The following PIWIL2 variants were observed in gnomAD, a reference collection of about 807,000 sequenced individuals.
PIWIL2 encodes piwi like RNA-mediated gene silencing 2.
A neutral mutation model predicts 116.5 loss-of-function variants in PIWIL2; 81 were observed. The ratio of observed to expected loss-of-function variants is 0.70; its 90% CI spans 0.58 to 0.84. The LOEUF (loss-of-function observed/expected upper bound fraction) is 0.84. Among genes scored for constraint, PIWIL2 ranks in the 40% least tolerant of loss-of-function variants. The pLI, the probability that PIWIL2 is intolerant of heterozygous loss-of-function variation, is 0.00. For missense variants in PIWIL2, 1,272 were observed against 1,212.3 expected, an observed-to-expected ratio of 1.05 and a Z score of -0.73; for synonymous variants, 489 against 429.5, an observed-to-expected ratio of 1.14 and a Z score of -1.71.
At chr8:22,334,059 C>T (rs562545827) in intron 20 of PIWIL2, among the ~76,000 whole-genome samples, 6 of 151,434 alleles carry the variant, frequency 4.0e-5, no homozygotes, top group South Asian at 2.1e-4. Context: ...CTGCAACCTC[C>T]GCCTTGTGGG....
intron 19 of PIWIL2, 35 bp from the exon 20 acceptor site, chr8:22,318,135 T>C (rs973254167): frequency 5.9e-6 from 8 of 1,348,282 alleles, no homozygotes; most frequent in Non-Finnish European, 8.5e-6. Context: ...TTGTTCATCT[T>C]CCTTTCTCTG....
At chr8:22,283,262 C>T (rs1273566143) in intron 5 of PIWIL2, 22 bp downstream of exon 5, 1 of 1,554,810 alleles carries the variant, frequency 6.4e-7, no homozygotes, top group Non-Finnish European at 8.9e-7. Flanking sequence ...GCACTGCCTT[C>T]TCTACTTAGT....
At chr8:22,327,581 G>A (rs897981539) in intron 20 of PIWIL2, among the ~76,000 whole-genome samples, 1 of 151,842 alleles carries the variant, frequency 6.6e-6, no homozygotes, top group Non-Finnish European at 1.5e-5. Context: ...TGGTCAGGCT[G>A]GTCTCAAGCT....
Position 22,284,278 on chromosome 8 carries a change from C to G in PIWIL2, c.743+6C>G. ...CAATATCATGTGACTTTCAGGTATT[C>G]ACAGCTTTCCTTTGTATTGTTCACT... On this transcript the variant is annotated splice_donor_region_variant and intron_variant, in intron 6 of 22. Coordinates refer to ENST00000356766, the MANE Select transcript of PIWIL2 (RefSeq NM_018068.5). 7.1e-7 allele frequency: 1 copy of G among 1,413,238 alleles called. No individual in the cohort carries two copies. 87.5% of individuals were successfully genotyped at this position (1,413,238 alleles called of 1,614,324 possible).
At chr8:22,290,966 G>GTATATATATATA (rs1187699809) in intron 10 of PIWIL2, among the ~76,000 whole-genome samples, 1 of 148,480 alleles carries the variant, frequency 6.7e-6, no homozygotes, top group Admixed American at 6.9e-5. Context: ...ATACAGATGT[G>GTATATATATATA]TATATATATT....
chr8:22,322,257 C>A (rs150638041), intron 20 of PIWIL2, among the ~76,000 whole-genome samples: 3 of 152,026 alleles, frequency 2.0e-5, no homozygotes, highest in East Asian at 3.9e-4. Flanking sequence ...CCCCTCCCCC[C>A]CACCTTTTTT....
intron 20 of PIWIL2, among the ~76,000 whole-genome samples, chr8:22,324,483 A>C (rs777583729): frequency 6.6e-6 from 1 of 152,176 alleles, no homozygotes; most frequent in African/African-American, 2.4e-5. Context: ...AGTGTTACAC[A>C]GGTACAGAAC....
At chr8:22,282,320 T>C (rs150362473) in intron 4 of PIWIL2, among the ~76,000 whole-genome samples, 8,729 of 139,884 alleles carry the variant, frequency 0.062, 323 homozygotes, top group Admixed American at 0.096. Flanking sequence ...GGCACGATCT[T>C]GGCTCACTGC....
At chr8:22,330,134 T>C (rs1457943208) in intron 20 of PIWIL2, among the ~76,000 whole-genome samples, 1 of 152,082 alleles carries the variant, frequency 6.6e-6, no homozygotes, top group Non-Finnish European at 1.5e-5. Flanking sequence ...CATTTTTCTT[T>C]CTTATTTCTT....
chr8:22,277,842 CAA>C (rs1385087473), intron 1 of PIWIL2, among the ~76,000 whole-genome samples: 3 of 152,106 alleles, frequency 2.0e-5, no homozygotes, highest in Non-Finnish European at 1.5e-5. Context: ...TATTTGTTGA[CAA>C]TAATTTTATG....
At chr8:22,317,759 A>G (rs1831496210) in intron 19 of PIWIL2, among the ~76,000 whole-genome samples, 1 of 151,966 alleles carries the variant, frequency 6.6e-6, no homozygotes, top group African/African-American at 2.4e-5. Context: ...TCCCAGGTTC[A>G]CGCCATTCTC....
intron 20 of PIWIL2, among the ~76,000 whole-genome samples, chr8:22,331,133 G>A (rs1332389085): frequency 6.6e-6 from 1 of 152,056 alleles, no homozygotes; most frequent in Non-Finnish European, 1.5e-5. Context: ...CCAAGATTGT[G>A]CCAATGCAGT....
At chr8:22,324,136 C>A (rs1305525750) in intron 20 of PIWIL2, among the ~76,000 whole-genome samples, 1 of 152,092 alleles carries the variant, frequency 6.6e-6, no homozygotes, top group Non-Finnish European at 1.5e-5. Context: ...GTGGTGGGCA[C>A]CTGTAATCTC....
intron 10 of PIWIL2, among the ~76,000 whole-genome samples, chr8:22,300,972 G>A (rs1663795430): frequency 7.2e-6 from 1 of 138,056 alleles, no homozygotes; most frequent in South Asian, 2.5e-4. Flanking sequence ...GCTTGTCTTT[G>A]CATTTTTCTT....
Position 22,355,390 on chromosome 8 carries a change from G to A in PIWIL2, c.2807G>A (p.Gly936Asp). ...TGCCACATGTACTGGAATTGGCCTG[G>A]CACCATCAGAGTTCCAGCTCCTTGC... is the stretch of plus-strand genomic sequence containing the variant. ...KLCHMYWNWPGTIRVPAPCKY... is the reference protein window; with the variant it reads ...KLCHMYWNWPDTIRVPAPCKY... Residue 936 changes from glycine to aspartate, a missense_variant, in exon 23 of 23, where the codon GGC (glycine) becomes GAC (aspartate). Physicochemically the swap from Gly to Asp is moderately conservative, Grantham distance 94. Transcript: ENST00000356766. 6.2e-7 allele frequency: 1 copy of A among 1,614,124 alleles called. No homozygotes were observed. The highest frequency in any genetic ancestry group is 8.5e-7 in the Non-Finnish European group (1 of 1,179,986).
chr8:22,351,599 G>A lies in PIWIL2; in HGVS notation c.2404-1360G>A, dbSNP rs527690637. Among the ~76,000 whole-genome samples the A allele has an allele frequency of 1.4e-3, 212 of 147,494 alleles. 2 individuals carry two copies. The highest frequency in any genetic ancestry group is 4.6e-3 in the South Asian group (21 of 4,560). ...GTCACCCAGGCTGGAGTGCAGTGGT[G>A]CAATCTTGGCTCACTGCAACCTCCA... is the stretch of plus-strand genomic sequence containing the variant. On this transcript the variant is annotated intron_variant, in intron 20 of 22. Coordinates refer to ENST00000356766, the MANE Select transcript of PIWIL2 (RefSeq NM_018068.5).
At chr8:22,328,175 G>T (rs1275096216) in intron 20 of PIWIL2, among the ~76,000 whole-genome samples, 2 of 152,074 alleles carry the variant, frequency 1.3e-5, no homozygotes, top group African/African-American at 4.8e-5. Flanking sequence ...ACTTGTCATA[G>T]CACCATTCGT....
intron 20 of PIWIL2, among the ~76,000 whole-genome samples, chr8:22,339,854 A>G (rs1008218858): frequency 2.0e-5 from 3 of 152,126 alleles, no homozygotes; most frequent in African/African-American, 7.2e-5. Context: ...CAAATAGTAA[A>G]CACATGAAAA....
Position 22,289,864 on chromosome 8 carries a change from A to T in PIWIL2, c.1004A>T (p.Asp335Val). The change falls in exon 9 of 23, where the codon GAT (aspartate) becomes GTT (valine). Residue 335 changes from aspartate to valine, a missense_variant. Coordinates refer to ENST00000356766, the MANE Select transcript of PIWIL2 (RefSeq NM_018068.5). Reference protein sequence around the residue: ...VVFRRVMKLLDMKLVGRNFYD... With the variant: ...VVFRRVMKLLVMKLVGRNFYD... ...TATTTCAGGGTAATGAAACTTTTAG[A>T]TATGAAGCTTGTGGGGAGAAACTTT... The T allele has an allele frequency of 6.2e-7, 1 of 1,606,316 alleles. No individual in the cohort carries two copies. The highest frequency in any genetic ancestry group is 8.5e-7 in the Non-Finnish European group (1 of 1,172,956).
Sources: allele counts gnomAD v4.1 joint callset (sites outside exome capture counted in the v4.1 genomes callset), GRCh38; gene constraint gnomAD v4.1.1; transcripts MANE v1.5; gene names NCBI Gene and HGNC (gene_info 2026-07-23, HGNC 2026-07-21).